The following LRTM3 variants were observed in gnomAD, a reference collection of about 807,000 sequenced individuals.
LRTM3 encodes leucine rich repeat transmembrane protein 3.
the LRTM3 span, chr13:102,743,505 T>G: frequency 1.1e-4 from 163 of 1,548,688 alleles, no homozygotes; most frequent in Non-Finnish European, 1.4e-4. Flanking sequence ...GGTGGTTTCT[T>G]TTCCTTCATA....
the LRTM3 span, chr13:102,729,939 C>T: frequency 6.4e-7 from 1 of 1,551,876 alleles, no homozygotes; most frequent in Admixed American, 2.0e-5. Context: ...ATATTTGATT[C>T]AGTTAAGGGA....
chr13:102,749,876 G>C, the LRTM3 span: 1 of 1,551,422 alleles, frequency 6.4e-7, no homozygotes. Flanking sequence ...TTGAGATCTT[G>C]AGCATTGATA....
At chr13:102,758,312 A>T in the LRTM3 span, 1 of 739,066 alleles carries the variant, frequency 1.4e-6, no homozygotes, top group African/African-American at 1.8e-5. Flanking sequence ...CAGCTAGGAA[A>T]ACCCTTCTCT....
chr13:102,729,782 T>A, the LRTM3 span: 21 of 1,551,764 alleles, frequency 1.4e-5, no homozygotes, highest in Non-Finnish European at 1.7e-5. Context: ...CTTCTTTCTG[T>A]CACGTTTCCC....
chr13:102,747,698 T>C, the LRTM3 span: 7 of 1,551,046 alleles, frequency 4.5e-6, no homozygotes, highest in Non-Finnish European at 6.1e-6. Flanking sequence ...ATTCTTTGGA[T>C]CTCCGGCACT....
the LRTM3 span, chr13:102,730,471 A>T: frequency 6.4e-7 from 1 of 1,551,372 alleles, no homozygotes; most frequent in Non-Finnish European, 8.7e-7. Flanking sequence ...CAACAGATTC[A>T]CATGTATTTC....
the LRTM3 span, chr13:102,747,798 T>G: frequency 1.9e-6 from 3 of 1,551,162 alleles, no homozygotes; most frequent in Non-Finnish European, 2.6e-6. Context: ...TCCAAAATAG[T>G]TTGTGTAGAA....
chr13:102,730,841 T>C, the LRTM3 span: 95 of 1,551,384 alleles, frequency 6.1e-5, no homozygotes, highest in Non-Finnish European at 7.5e-5. Flanking sequence ...GTATTTGTAT[T>C]GTAAATCAAG....
the LRTM3 span, chr13:102,750,317 T>A: frequency 6.5e-7 from 1 of 1,545,666 alleles, no homozygotes; most frequent in Non-Finnish European, 8.8e-7. Flanking sequence ...TAAAATTCTA[T>A]CTTCAAAGTT....
chr13:102,748,627 T>A, the LRTM3 span: 1 of 1,550,596 alleles, frequency 6.4e-7, no homozygotes, highest in Non-Finnish European at 8.7e-7. Context: ...TAGCTTCTTC[T>A]AAAGATGTCT....
the LRTM3 span, chr13:102,732,441 C>A: frequency 1.9e-6 from 3 of 1,551,118 alleles, no homozygotes; most frequent in East Asian, 2.4e-5. Flanking sequence ...CTTTTCAGAT[C>A]TCTTATTGTT....
the LRTM3 span, among the ~76,000 whole-genome samples, chr13:102,757,567 T>A: frequency 6.6e-6 from 1 of 152,226 alleles, no homozygotes; most frequent in South Asian, 2.1e-4. Context: ...GAAATAATAG[T>A]AATTTCTTGC....
chr13:102,748,826 A>G, the LRTM3 span: 1 of 1,550,628 alleles, frequency 6.4e-7, no homozygotes, highest in Non-Finnish European at 8.7e-7. Context: ...TAGCTGAGGT[A>G]ACATTTTTGG....
chr13:102,748,098 T>C, the LRTM3 span: 11 of 1,551,022 alleles, frequency 7.1e-6, no homozygotes, highest in East Asian at 2.7e-4. Context: ...ATTCTTAATG[T>C]GTCTGCCTTG....
chr13:102,736,356 T>C, the LRTM3 span: 1 of 1,551,116 alleles, frequency 6.4e-7, no homozygotes, highest in Non-Finnish European at 8.7e-7. Context: ...GGTGCTGATG[T>C]CTTTGCCTTG....
At chr13:102,745,497 C>A in the LRTM3 span, 1 of 1,550,914 alleles carries the variant, frequency 6.4e-7, no homozygotes, top group Non-Finnish European at 8.7e-7. Flanking sequence ...CAGCTCAGTT[C>A]TTTTCTACGT....
the LRTM3 span, chr13:102,730,111 G>C: frequency 6.5e-7 from 1 of 1,550,286 alleles, no homozygotes; most frequent in Non-Finnish European, 8.7e-7. Flanking sequence ...TCCTGCTTTT[G>C]TGGGACTTAC....
chr13:102,743,139 G>A, the LRTM3 span: 4 of 1,550,402 alleles, frequency 2.6e-6, no homozygotes, highest in Non-Finnish European at 1.7e-6. Context: ...ATTTCTGTAA[G>A]ATGTTCTTGC....
chr13:102,741,066 C>T, the LRTM3 span: 79 of 1,549,958 alleles, frequency 5.1e-5, no homozygotes, highest in Non-Finnish European at 6.7e-5. Flanking sequence ...GCTGAGCCTT[C>T]TTTCTTGGGA....
Sources: allele counts gnomAD v4.1 joint callset (sites outside exome capture counted in the v4.1 genomes callset), GRCh38; gene constraint gnomAD v4.1.1; transcripts MANE v1.5; gene names NCBI Gene and HGNC (gene_info 2026-07-23, HGNC 2026-07-21).